The following WWP1 variants were observed in gnomAD, a reference collection of about 807,000 sequenced individuals.
The protein encoded by WWP1 is WW domain containing E3 ubiquitin protein ligase 1.
WWP1 carries 49 observed loss-of-function variants against 130.6 expected under a neutral mutation model. The observed-to-expected ratio is 0.38, with a 90% CI of 0.30 to 0.48. The LOEUF (loss-of-function observed/expected upper bound fraction) is 0.48, where lower values mean the gene tolerates loss of function less well. Among genes scored for constraint, WWP1 ranks in the 20% least tolerant of loss-of-function variants. The pLI is 0.99. For missense variants in WWP1, 809 were observed against 1,100.6 expected (o/e 0.74, Z 3.75); for synonymous variants, 332 against 367.8 (o/e 0.90, Z 1.11).
chr8:86,390,538 A>G (rs146370343), intron 5 of WWP1, among the ~76,000 whole-genome samples: 2 of 152,288 alleles, frequency 1.3e-5, no homozygotes, highest in Non-Finnish European at 2.9e-5. Context: ...ACCAAAAAAT[A>G]CAAAAACCAG....
At chr8:86,410,249 AT>A (rs1808509729) in intron 8 of WWP1, among the ~76,000 whole-genome samples, 1 of 152,158 alleles carries the variant, frequency 6.6e-6, no homozygotes, top group Admixed American at 6.5e-5. Flanking sequence ...AGAATGATCT[AT>A]CCAATAAAGG....
intron 11 of WWP1, among the ~76,000 whole-genome samples, chr8:86,429,230 G>A (rs544084258): frequency 6.6e-6 from 1 of 152,272 alleles, no homozygotes; most frequent in South Asian, 2.1e-4. Context: ...TTTTTACTTA[G>A]CGAAGGATGC....
chr8:86,461,471 T>C (rs1396076898), intron 23 of WWP1, 151 bp downstream of exon 23: 1 of 694,528 alleles, frequency 1.4e-6, no homozygotes, highest in Non-Finnish European at 2.4e-6. Context: ...GTGGCTAATA[T>C]CAAAGCACTT....
intron 7 of WWP1, among the ~76,000 whole-genome samples, chr8:86,399,603 A>G (rs1256408585): frequency 6.6e-6 from 1 of 152,220 alleles, no homozygotes. Flanking sequence ...ACAGATAAGT[A>G]TGCCTTCTGA....
chr8:86,353,042 T>A (rs1823034257), intron 1 of WWP1, among the ~76,000 whole-genome samples: 1 of 152,206 alleles, frequency 6.6e-6, no homozygotes, highest in East Asian at 1.9e-4. Flanking sequence ...TAGAGATTTT[T>A]GACTGAAATG....
At chr8:86,457,796 A>G in intron 21 of WWP1, 125 bp from the exon 22 acceptor site, 1 of 694,868 alleles carries the variant, frequency 1.4e-6, no homozygotes, top group East Asian at 2.8e-5. Context: ...TGTGATCATT[A>G]TATGCCATGC....
At chr8:86,431,020 A>T (rs1809932534) in intron 12 of WWP1, among the ~76,000 whole-genome samples, 1 of 137,288 alleles carries the variant, frequency 7.3e-6, no homozygotes, top group South Asian at 2.2e-4. Flanking sequence ...ATTATAAGGG[A>T]TATATATGTA....
intron 3 of WWP1, among the ~76,000 whole-genome samples, chr8:86,375,292 A>G (rs1426846652): frequency 6.6e-6 from 1 of 151,662 alleles, no homozygotes; most frequent in Non-Finnish European, 1.5e-5. Flanking sequence ...AGTTAAGTTC[A>G]TCGTTTTCAG....
At chr8:86,371,372 T>C (rs1385936153) in intron 2 of WWP1, among the ~76,000 whole-genome samples, 2 of 152,216 alleles carry the variant, frequency 1.3e-5, no homozygotes, top group African/African-American at 4.8e-5. Flanking sequence ...AAATTACTCA[T>C]TGAAGGGCAT....
intron 9 of WWP1, among the ~76,000 whole-genome samples, chr8:86,424,482 G>A (rs1261837517): frequency 1.3e-5 from 2 of 151,902 alleles, no homozygotes; most frequent in Non-Finnish European, 2.9e-5. Context: ...GTAGCTAGCC[G>A]AGATCACGCC....
At chr8:86,460,654 A>G (rs1811708651) in intron 22 of WWP1, among the ~76,000 whole-genome samples, 1 of 152,144 alleles carries the variant, frequency 6.6e-6, no homozygotes, top group Non-Finnish European at 1.5e-5. Context: ...ATTTCCTTCC[A>G]GTAAGATGGA....
rs546142522 is a variant in WWP1, at chr8:86,397,932, G to A, written c.335-410G>A. Reference sequence around the variant, plus strand: ...CTCCATTTTGTAATTAAGAAACCAAGGCTTAAAGATGTTTGAATAAGTTAC... The same window carrying A: ...CTCCATTTTGTAATTAAGAAACCAAAGCTTAAAGATGTTTGAATAAGTTAC... On this transcript the variant is annotated intron_variant, in intron 5 of 24. Transcript: ENST00000517970. 4.0e-4 allele frequency among the ~76,000 whole-genome samples: 61 copies of A among 152,228 alleles called. No individual in the cohort carries two copies. In the East Asian group the frequency reaches 9.5e-3, roughly 24 times the overall value.
chr8:86,343,478 C>G (rs1005404554), intron 1 of WWP1, among the ~76,000 whole-genome samples: 16 of 123,570 alleles, frequency 1.3e-4, no homozygotes, highest in African/African-American at 4.5e-4. Flanking sequence ...CTGGTAGGTT[C>G]CAGTGACCTT....
At chr8:86,437,847 T>C (rs1181621980) in intron 16 of WWP1, among the ~76,000 whole-genome samples, 1 of 152,230 alleles carries the variant, frequency 6.6e-6, no homozygotes, top group Non-Finnish European at 1.5e-5. Context: ...TCGCCCAGGC[T>C]GGAGTGCAGT....
intron 18 of WWP1, among the ~76,000 whole-genome samples, chr8:86,444,504 G>A (rs1271381634): frequency 6.6e-6 from 1 of 152,162 alleles, no homozygotes; most frequent in Non-Finnish European, 1.5e-5. Flanking sequence ...GTTGTTCAAG[G>A]ACAATTATAG....
rs1285827381 is a variant in WWP1, at chr8:86,452,621, G to A, written c.2336G>A (p.Gly779Asp). 1.9e-6 allele frequency: 3 copies of A among 1,613,274 alleles called. No homozygotes were observed. The highest frequency in any genetic ancestry group is 1.7e-5 in the Admixed American group (1 of 59,936). ...VQEQTKAFLD[G>D]FNEVVPLQWL... ...GAACAGACCAAAGCTTTCCTTGATG[G>A]TTTTAATGAAGTTGTTCCTCTTCAG... Residue 779 changes from glycine to aspartate, a missense_variant, in exon 21 of 25, where the codon GGT becomes GAT. Coordinates refer to ENST00000517970, the MANE Select transcript of WWP1 (RefSeq NM_007013.4).
chr8:86,461,989 A>AT, intron 24 of WWP1, 143 bp downstream of exon 24: 1 of 652,596 alleles, frequency 1.5e-6, no homozygotes, highest in Non-Finnish European at 2.7e-6. Context: ...TTAATACAGC[A>AT]TTCTATAACT....
chr8:86,412,082 C>A (rs767535767), intron 9 of WWP1, among the ~76,000 whole-genome samples: 1 of 152,048 alleles, frequency 6.6e-6, no homozygotes, highest in Non-Finnish European at 1.5e-5. Flanking sequence ...ATATGTAGTA[C>A]GAAGGGAAAA....
chr8:86,419,289 G>A (rs1350014251), intron 9 of WWP1, among the ~76,000 whole-genome samples: 13 of 152,108 alleles, frequency 8.5e-5, no homozygotes, highest in South Asian at 4.2e-4. Flanking sequence ...ATGGTGGCAC[G>A]CGCCTGTAGT....
Sources: gnomAD v4.1 joint callset for allele counts (sites outside exome capture counted in the v4.1 genomes callset) on GRCh38, gnomAD v4.1.1 for gene constraint, MANE v1.5 for transcripts, NCBI Gene and HGNC (gene_info 2026-07-23, HGNC 2026-07-21) for gene names.